Variants in SAMD12 observed in about 807,000 individuals in gnomAD.
SAMD12 encodes the protein sterile alpha motif domain containing 12.
In SAMD12, 9 loss-of-function variants were observed where a neutral mutation model predicts 15.0. The observed-to-expected ratio is 0.60, with a 90% confidence interval of 0.36 to 1.05. The LOEUF is 1.05. Ranked by LOEUF, SAMD12 falls within the 50% of genes least tolerant of loss-of-function variation. The pLI is 0.01. For synonymous variants in SAMD12, 86 were observed against 90.1 expected (o/e 0.96, Z 0.25); for missense variants, 230 against 234.2 (o/e 0.98, Z 0.12).
At chr8:118,604,816 G>T (rs963914277) in intron 1 of SAMD12, among the ~76,000 whole-genome samples, 1 of 152,118 alleles carries the variant, frequency 6.6e-6, no homozygotes, top group African/African-American at 2.4e-5. Context: ...CAGCTACTGG[G>T]GAGGCTGAGG....
chr8:118,290,492 A>T (rs1814304137), intron 4 of SAMD12, among the ~76,000 whole-genome samples: 1 of 152,182 alleles, frequency 6.6e-6, no homozygotes, highest in South Asian at 2.1e-4. Context: ...GTCTCCTCGC[A>T]CTATTTTTCC....
intron 2 of SAMD12, among the ~76,000 whole-genome samples, chr8:118,461,869 A>G (rs1292130049): frequency 6.6e-6 from 1 of 152,226 alleles, no homozygotes; most frequent in East Asian, 1.9e-4. Context: ...AGGGCAAATT[A>G]GTGTTTTTCT....
chr8:118,318,241 A>G (rs948853831), intron 4 of SAMD12, among the ~76,000 whole-genome samples: 2 of 150,632 alleles, frequency 1.3e-5, no homozygotes, highest in Admixed American at 6.6e-5. Flanking sequence ...ACACGTGCAC[A>G]CATATGTTTA....
chr8:118,344,111 G>A (rs1586569054), intron 4 of SAMD12, among the ~76,000 whole-genome samples: 1 of 152,190 alleles, frequency 6.6e-6, no homozygotes, highest in East Asian at 1.9e-4. Flanking sequence ...ACATGGATGT[G>A]GAAATCCATG....
At chr8:118,197,515 T>A (rs538162292) in exon 5 of SAMD12, 2 of 638,838 alleles carry the variant, frequency 3.1e-6, no homozygotes, top group African/African-American at 3.6e-5. Flanking sequence ...ATGCACCTCA[T>A]TTTAAATCCA....
At chr8:118,477,257 G>T (rs746883760) in intron 2 of SAMD12, among the ~76,000 whole-genome samples, 1 of 152,004 alleles carries the variant, frequency 6.6e-6, no homozygotes, top group Non-Finnish European at 1.5e-5. Flanking sequence ...GTAGAGACAG[G>T]GTTTTGCCAT....
chr8:118,209,420 A>G (rs1819956552), intron 4 of SAMD12, among the ~76,000 whole-genome samples: 1 of 152,190 alleles, frequency 6.6e-6, no homozygotes, highest in African/African-American at 2.4e-5. Context: ...TTGAGGAAAG[A>G]GTTATGAGAT....
chr8:118,526,265 G>A (rs1194201139), intron 2 of SAMD12, among the ~76,000 whole-genome samples: 1 of 152,018 alleles, frequency 6.6e-6, no homozygotes, highest in Non-Finnish European at 1.5e-5. Context: ...AATTATGCCG[G>A]AGGTCACATA....
At chr8:118,291,672 C>A (rs183145802) in intron 4 of SAMD12, among the ~76,000 whole-genome samples, 1 of 151,776 alleles carries the variant, frequency 6.6e-6, no homozygotes, top group East Asian at 2.0e-4. Flanking sequence ...TTATTTAGTT[C>A]GCAGAAAAAT....
intron 2 of SAMD12, among the ~76,000 whole-genome samples, chr8:118,509,202 T>A (rs1472804406): frequency 6.6e-6 from 1 of 152,192 alleles, no homozygotes; most frequent in Non-Finnish European, 1.5e-5. Flanking sequence ...TGTGTTTATA[T>A]CCCATAAGTG....
chr8:118,208,251 CTG>C (rs991316653), intron 4 of SAMD12, among the ~76,000 whole-genome samples: 22 of 151,888 alleles, frequency 1.4e-4, no homozygotes, highest in Non-Finnish European at 2.5e-4. Flanking sequence ...GAGCGAAACT[CTG>C]TCTCAAAAAT....
Position 118,384,801 on chromosome 8 carries a change from C to T in SAMD12, c.323-5101G>A, listed in dbSNP as rs190804560. Among the ~76,000 whole-genome samples the T allele has an allele frequency of 3.5e-3, 526 of 152,278 alleles. 2 individuals are homozygous for T. Among genetic ancestry groups the T allele is most frequent in the Non-Finnish European group, 3.9e-3 (262 of 68,026 alleles). On this transcript the variant is annotated intron_variant, in intron 3 of 3. Coordinates refer to ENST00000314727, the MANE Select transcript of SAMD12 (RefSeq NM_207506.3). Reference sequence around the variant, plus strand: ...ATGCTCTTATTCCTTCAAGACTCTCCTCGAACCCCAAAGCTCTGAGTTGTC... The same window carrying T: ...ATGCTCTTATTCCTTCAAGACTCTCTTCGAACCCCAAAGCTCTGAGTTGTC...
chr8:118,388,852 G>C (rs1820110064), intron 3 of SAMD12, among the ~76,000 whole-genome samples: 1 of 152,174 alleles, frequency 6.6e-6, no homozygotes, highest in East Asian at 1.9e-4. Context: ...CCAACAGAGA[G>C]ACCAGAGCTG....
chr8:118,211,489 C>T lies in SAMD12; in HGVS notation c.434-13757G>A, dbSNP rs558684350. On this transcript the variant is annotated intron_variant, in intron 4 of 4. Transcript: ENST00000409003. The stretch of plus-strand genomic sequence containing the variant: ...GGTGAGTGAGTAGCAATGACCTAAA[C>T]GACAGCTTTCTTTTGCAAGGGCCAA... Among the ~76,000 whole-genome samples the T allele has an allele frequency of 3.0e-4, 45 of 152,292 alleles. 1 individual carries two copies. In the South Asian group the frequency reaches 7.9e-3, roughly 27 times the overall value.
At chr8:118,393,051 C>T (rs1179488064) in intron 3 of SAMD12, among the ~76,000 whole-genome samples, 1 of 152,170 alleles carries the variant, frequency 6.6e-6, no homozygotes, top group Admixed American at 6.5e-5. Context: ...AAAACACTTA[C>T]TTTTGGGAAA....
intron 1 of SAMD12, among the ~76,000 whole-genome samples, chr8:118,594,163 G>T (rs1037951633): frequency 5.9e-5 from 9 of 151,934 alleles, no homozygotes; most frequent in Non-Finnish European, 1.0e-4. Flanking sequence ...TACTAAAATA[G>T]TGGCTCCCAA....
At chr8:118,340,138 C>G (rs760077952) in intron 4 of SAMD12, among the ~76,000 whole-genome samples, 2 of 152,164 alleles carry the variant, frequency 1.3e-5, no homozygotes, top group African/African-American at 2.4e-5. Context: ...TTCATTTGCC[C>G]CACAGGCTGT....
Position 118,448,635 on chromosome 8 carries a change from C to T in SAMD12, c.193-8674G>A, listed in dbSNP as rs191031227. Reference sequence around the variant, plus strand: ...CAGCCTTTCCTCCGATTAGATTTCTCCTATATTGAGCCAAAAATGCAGAGC... The same window carrying T: ...CAGCCTTTCCTCCGATTAGATTTCTTCTATATTGAGCCAAAAATGCAGAGC... On this transcript the variant is annotated intron_variant, in intron 2 of 3. Coordinates refer to ENST00000314727, the MANE Select transcript of SAMD12 (RefSeq NM_207506.3). Among the ~76,000 whole-genome samples the T allele has an allele frequency of 2.6e-4, 40 of 152,312 alleles. 1 individual carries two copies. The East Asian group carries it at 7.7e-3, about 29-fold the overall frequency.
chr8:118,546,056 C>T (rs188185256), intron 2 of SAMD12, among the ~76,000 whole-genome samples: 4 of 152,158 alleles, frequency 2.6e-5, no homozygotes, highest in Non-Finnish European at 5.9e-5. Context: ...TAGAATAGTT[C>T]GTGGCACAAA....
Sources: allele counts gnomAD v4.1 joint callset (sites outside exome capture counted in the v4.1 genomes callset), GRCh38; gene constraint gnomAD v4.1.1; transcripts MANE v1.5; gene names NCBI Gene and HGNC (gene_info 2026-07-23, HGNC 2026-07-21).